Variants in VSIG10 observed in about 807,000 individuals in gnomAD.
The protein encoded by VSIG10 is V-set and immunoglobulin domain containing 10, also known as V-set and immunoglobulin domain-containing protein 10.
A neutral mutation model predicts 58.7 loss-of-function variants in VSIG10; 48 were observed. That is an observed-to-expected ratio of 0.82 (90% CI 0.65 to 1.04). VSIG10 has a LOEUF of 1.04. Ranked by LOEUF, VSIG10 falls within the 50% of genes least tolerant of loss-of-function variation. The probability of loss-of-function intolerance (pLI) is 0.00; values close to 1 mark genes in which losing one functional copy is unlikely to be tolerated. For missense variants in VSIG10, 628 were observed against 670.0 expected (o/e 0.94, Z 0.69); for synonymous variants, 260 against 267.1 (o/e 0.97, Z 0.26).
Position 118,103,764 on chromosome 12 carries a change from TC to T in VSIG10, c.-94del. The T allele has an allele frequency of 8.0e-7, 1 of 1,243,398 alleles. No homozygotes were observed. The highest frequency in any genetic ancestry group is 1.0e-6 in the Non-Finnish European group (1 of 954,872). The allele number at this position is 1,243,398 out of a possible 1,614,324, so 77.0% of individuals were successfully genotyped here. A position where few individuals can be genotyped will look rare whatever the true frequency, so the allele number is the denominator to read the frequency against. On this transcript the variant is annotated 5_prime_UTR_variant, in exon 1 of 9. Transcript: ENST00000359236. ...CGGGGCCCGGGGTACCGAGGGCTCC[TC>T]CCAGGTCCTCGGAACGGCAGAGTGG...
rs1566149918 is a variant in VSIG10 at position 118,065,909 on chromosome 12, G to A, written c.*730C>T. On this transcript the variant is annotated 3_prime_UTR_variant, in exon 9 of 9. Coordinates refer to ENST00000359236, the MANE Select transcript of VSIG10 (RefSeq NM_019086.6). Reference sequence around the variant, plus strand: ...TTCGATGTAGCTTTCCAAGCTTTCAGAACGAGACAATAATAAGTGAGCAGC... The same window carrying A: ...TTCGATGTAGCTTTCCAAGCTTTCAAAACGAGACAATAATAAGTGAGCAGC... The A allele has an allele frequency of 6.6e-6, 1 of 152,182 alleles. No homozygotes were observed. The highest frequency in any genetic ancestry group is 2.4e-5 in the African/African-American group (1 of 41,432). 9.4% of individuals were successfully genotyped at this position (152,182 alleles called of 1,614,324 possible). A position where few individuals can be genotyped will look rare whatever the true frequency, so the allele number is the denominator to read the frequency against.
chr12:118,072,859 T>C (rs1361185186), intron 5 of VSIG10, among the ~76,000 whole-genome samples: 1 of 152,134 alleles, frequency 6.6e-6, no homozygotes, highest in Non-Finnish European at 1.5e-5. Flanking sequence ...AGATAAACAA[T>C]GAATAGTTTT....
Position 118,069,586 on chromosome 12 carries a change from C to T in VSIG10, c.1347-989G>A, listed in dbSNP as rs150452535. On this transcript the variant is annotated intron_variant, in intron 7 of 8. Transcript: ENST00000359236. ...GATTACAGGCATGCGCCACTACATG[C>T]GGCTAATTTTTTGTATTTTTAGTAG... 5.3e-5 allele frequency among the ~76,000 whole-genome samples: 8 copies of T among 152,046 alleles called. No individual in the cohort carries two copies. The East Asian group carries it at 7.8e-4, about 15-fold the overall frequency.
Position 118,068,429 on chromosome 12 carries a change from G to A in VSIG10, c.1515C>T (p.Ala505=), listed in dbSNP as rs867098264. ...PKQDHIHRVT[A]LVNGNIEQMG... ...TCTGTTCTATGTTCCCATTCACCAAGGCGGTCACTCTGTGAATGTGGTCCT... is the reference window on the plus strand; with the variant it reads ...TCTGTTCTATGTTCCCATTCACCAAAGCGGTCACTCTGTGAATGTGGTCCT... The change falls in exon 8 of 9, where the codon GCC becomes GCT. Residue 505 remains alanine (A), a synonymous_variant. Transcript: ENST00000359236. 1.9e-6 allele frequency: 3 copies of A among 1,613,732 alleles called. No homozygotes were observed. Among genetic ancestry groups the A allele is most frequent in the Middle Eastern group, 1.6e-4 (1 of 6,062 alleles).
At chr12:118,074,595 C>T (rs1399914566) in intron 4 of VSIG10, among the ~76,000 whole-genome samples, 24 of 151,976 alleles carry the variant, frequency 1.6e-4, no homozygotes. Flanking sequence ...TTTCCTGCCT[C>T]AGCCTCCCAA....
intron 2 of VSIG10, among the ~76,000 whole-genome samples, chr12:118,085,017 T>TCGAACAAA (rs1179918366): frequency 1.3e-5 from 2 of 152,086 alleles, no homozygotes; most frequent in African/African-American, 4.8e-5. Context: ...AGACTCCGTC[T>TCGAACAAA]CGAACAAACA....
chr12:118,091,814 A>G (rs756056735), intron 2 of VSIG10, among the ~76,000 whole-genome samples: 1 of 151,578 alleles, frequency 6.6e-6, no homozygotes, highest in Non-Finnish European at 1.5e-5. Context: ...CTGGAGTGCA[A>G]TGGCGCAATC....
At chr12:118,070,179 G>T (rs1490837688) in intron 7 of VSIG10, among the ~76,000 whole-genome samples, 1 of 151,994 alleles carries the variant, frequency 6.6e-6, no homozygotes, top group African/African-American at 2.4e-5. Context: ...CACAAGTTCC[G>T]TTTGGTTCCT....
chr12:118,082,334 AG>A lies in VSIG10; in HGVS notation c.456del (p.Cys153AlafsTer18). The stretch of plus-strand genomic sequence containing the variant: ...GGTGGTGGCCTGGAGCTGCTGTTGC[AG>A]CTGAAGTCCACCTGGGAGCCCCTGG... ...YAARGSQVDF[S>X]CNSSSRPPPV... On this transcript the variant is annotated frameshift_variant, in exon 3 of 9. Coordinates refer to ENST00000359236, the MANE Select transcript of VSIG10 (RefSeq NM_019086.6). LOFTEE classifies it high-confidence loss of function. 1 of 1,614,004 alleles carries A rather than the reference AG, an allele frequency of 6.2e-7. No homozygotes were observed. Among genetic ancestry groups the A allele is most frequent in the Non-Finnish European group, 8.5e-7 (1 of 1,179,898 alleles).
Position 118,073,864 on chromosome 12 carries a change from C to T in VSIG10, c.1054G>A (p.Glu352Lys), listed in dbSNP as rs756484364. The T allele has an allele frequency of 1.2e-5, 18 of 1,532,716 alleles. No individual in the cohort carries two copies. Among genetic ancestry groups the T allele is most frequent in the South Asian group, 9.9e-5 (9 of 90,796 alleles). 94.9% of individuals were successfully genotyped at this position (1,532,716 alleles called of 1,614,324 possible). Residue 352 changes from glutamate to lysine, a missense_variant, in exon 5 of 9, where the codon GAG becomes AAG. Glu to Lys is a moderately conservative substitution (Grantham distance 56). Transcript: ENST00000359236. Reference protein sequence around the residue: ...ILWLRNLTQPEVIIQPSSRHL... With the variant: ...ILWLRNLTQPKVIIQPSSRHL... ...CGGCTGCTAGGCTGGATGATCACCT[C>T]GGGCTGGGTAAGGTTCCTCAGCCAC... is the stretch of plus-strand genomic sequence containing the variant.
Position 118,079,049 on chromosome 12 carries a change from T to C in VSIG10, c.925+297A>G, listed in dbSNP as rs569253774. On this transcript the variant is annotated intron_variant, in intron 4 of 8. Transcript: ENST00000359236. ...CAGACACAAAAGACGATGAACCTCATATGTCTTGTTCACTGCTCCATCCTC... is the reference window on the plus strand; with the variant it reads ...CAGACACAAAAGACGATGAACCTCACATGTCTTGTTCACTGCTCCATCCTC... Among the ~76,000 whole-genome samples the C allele has an allele frequency of 1.9e-4, 29 of 150,378 alleles. No homozygotes were observed. The South Asian group carries it at 5.9e-3, about 31-fold the overall frequency.
chr12:118,095,468 A>G (rs1444290399), intron 2 of VSIG10, 65 bp downstream of exon 2: 1 of 1,585,754 alleles, frequency 6.3e-7, no homozygotes, highest in Non-Finnish European at 8.6e-7. Context: ...ATTCCTGACC[A>G]TGGTCTCCTC....
At chr12:118,093,267 C>T (rs2033351392) in intron 2 of VSIG10, among the ~76,000 whole-genome samples, 1 of 151,706 alleles carries the variant, frequency 6.6e-6, no homozygotes, top group Non-Finnish European at 1.5e-5. Flanking sequence ...CCACTGCACT[C>T]CAGCCTAGGC....
At chr12:118,074,990 C>G (rs1419647768) in intron 4 of VSIG10, among the ~76,000 whole-genome samples, 1 of 151,644 alleles carries the variant, frequency 6.6e-6, no homozygotes, top group Non-Finnish European at 1.5e-5. Context: ...TTATACTTGT[C>G]TATTTTTTAT....
intron 1 of VSIG10, chr12:118,101,461 T>G (rs1029429996): frequency 6.6e-6 from 1 of 152,142 alleles, no homozygotes; most frequent in African/African-American, 2.4e-5. Flanking sequence ...AATGATAAAA[T>G]ATAGTAACAA....
chr12:118,090,382 G>C (rs1360078681), intron 2 of VSIG10, among the ~76,000 whole-genome samples: 1 of 152,214 alleles, frequency 6.6e-6, no homozygotes, highest in Non-Finnish European at 1.5e-5. Flanking sequence ...TTCTTAACTT[G>C]ATTGTATCTG....
intron 2 of VSIG10, among the ~76,000 whole-genome samples, chr12:118,092,920 C>A (rs1426863393): frequency 6.9e-6 from 1 of 144,674 alleles, no homozygotes; most frequent in Non-Finnish European, 1.5e-5. Flanking sequence ...ACCGACGTGA[C>A]CCACTGCATC....
At chr12:118,103,271 TA>T (rs980130651) in intron 1 of VSIG10, 7,113 of 241,238 alleles carry the variant, frequency 0.029, 29 homozygotes, top group Middle Eastern at 0.039. Context: ...ATCCGACGCT[TA>T]AAAAAAAAAA....
intron 5 of VSIG10, among the ~76,000 whole-genome samples, chr12:118,073,185 C>A (rs1405191118): frequency 6.6e-6 from 1 of 152,058 alleles, no homozygotes; most frequent in Non-Finnish European, 1.5e-5. Flanking sequence ...TCTCAGCCTC[C>A]CAAGTAATTT....
Sources: gnomAD v4.1 joint callset for allele counts (sites outside exome capture counted in the v4.1 genomes callset) on GRCh38, gnomAD v4.1.1 for gene constraint, MANE v1.5 for transcripts, NCBI Gene and HGNC (gene_info 2026-07-23, HGNC 2026-07-21) for gene names.